The following TRIM14 variants were observed in gnomAD, a reference collection of about 807,000 sequenced individuals.
TRIM14 encodes the protein tripartite motif-containing protein 14.
Under a neutral mutation model 44.5 loss-of-function variants are expected in TRIM14, and 28 were observed. That is an observed-to-expected ratio of 0.63 (90% CI 0.47 to 0.86). TRIM14 has a LOEUF of 0.86. Among genes scored for constraint, TRIM14 ranks in the 40% least tolerant of loss-of-function variants. TRIM14 has a pLI of 0.00. For missense variants in TRIM14, 607 were observed against 611.1 expected, an observed-to-expected ratio of 0.99 and a Z score of 0.07; for synonymous variants, 299 against 269.2, an observed-to-expected ratio of 1.11 and a Z score of -1.08.
chr9:98,080,933 T>TTGGAC, downstream of TRIM14: 1 of 1,614,140 alleles, frequency 6.2e-7, no homozygotes, highest in Non-Finnish European at 8.5e-7. Flanking sequence ...TCACATAACT[T>TTGGAC]TGGACAAGAC....
chr9:98,048,800 T>C, the TRIM14 span, among the ~76,000 whole-genome samples: 5 of 151,846 alleles, frequency 3.3e-5, no homozygotes, highest in African/African-American at 1.2e-4. Context: ...GAGGCAGGTG[T>C]ATCACAAGGT....
At chr9:98,068,650 T>TAA (rs55679709), downstream of TRIM14, among the ~76,000 whole-genome samples, 2,505 of 127,654 alleles carry the variant, frequency 0.02, 88 homozygotes, top group African/African-American at 0.068. Flanking sequence ...CCCCATCTAT[T>TAA]AAAAAAAAAA....
chr9:98,044,679 GCT>G, the TRIM14 span, among the ~76,000 whole-genome samples: 1 of 151,970 alleles, frequency 6.6e-6, no homozygotes, highest in Non-Finnish European at 1.5e-5. Flanking sequence ...GCTGCAAAAT[GCT>G]CTTTCTCTTG....
intron 1 of TRIM14, 31 bp from the exon 2 acceptor site, chr9:98,110,015 T>C: frequency 1.3e-6 from 2 of 1,548,582 alleles, no homozygotes; most frequent in Non-Finnish European, 1.8e-6. Context: ...AAAAAAGTCG[T>C]AATACTGTCA....
Position 98,087,656 on chromosome 9 carries a change from G to C in TRIM14, c.1143C>G (p.Arg381=). The C allele has an allele frequency of 1.2e-6, 2 of 1,604,062 alleles. No individual in the cohort carries two copies. Among genetic ancestry groups the C allele is most frequent in the African/African-American group, 2.7e-5 (2 of 74,982 alleles). ...GGTCGAGGTCGTCGCGGGGCCGCAG[G>C]CGGCTGCGCTGGCCGTCGTGGAAGG... is the stretch of plus-strand genomic sequence containing the variant. ...YWAFHDGQRS[R]LRPRDDLDRL... Residue 381 remains arginine, a synonymous_variant, in exon 6 of 6, where the codon CGC becomes CGG. Coordinates refer to ENST00000341469, the MANE Select transcript of TRIM14 (RefSeq NM_014788.4).
the TRIM14 span, among the ~76,000 whole-genome samples, chr9:98,041,274 T>C: frequency 1.3e-5 from 2 of 152,134 alleles, no homozygotes; most frequent in African/African-American, 4.8e-5. Flanking sequence ...AAAAAAAACT[T>C]AAGAACAACT....
chr9:98,054,628 T>C, the TRIM14 span, among the ~76,000 whole-genome samples: 2 of 152,166 alleles, frequency 1.3e-5, no homozygotes, highest in Non-Finnish European at 2.9e-5. Context: ...GCCATGGAGC[T>C]CTAGTTATGA....
At chr9:98,058,231 G>A in the TRIM14 span, among the ~76,000 whole-genome samples, 26 of 152,082 alleles carry the variant, frequency 1.7e-4, no homozygotes, top group African/African-American at 6.3e-4. Context: ...CTGTTCCTTC[G>A]GGACTGGTTT....
chr9:98,067,908 G>A (rs1829197306), downstream of TRIM14, among the ~76,000 whole-genome samples: 1 of 152,020 alleles, frequency 6.6e-6, no homozygotes, highest in East Asian at 1.9e-4. Flanking sequence ...TTTTTGTAGA[G>A]ACAAGATCTC....
chr9:98,073,674 C>T (rs190008924), intron 6 of TRIM14, among the ~76,000 whole-genome samples: 19 of 152,054 alleles, frequency 1.2e-4, no homozygotes, highest in Admixed American at 9.8e-4. Flanking sequence ...CCACTCCTCT[C>T]TTTCCTTACC....
At chr9:98,055,729 AAATT>A in the TRIM14 span, among the ~76,000 whole-genome samples, 5 of 151,998 alleles carry the variant, frequency 3.3e-5, no homozygotes, top group Admixed American at 6.6e-5. Context: ...CTTATTTTTT[AAATT>A]AATTAATTAA....
chr9:98,057,182 C>T, the TRIM14 span, among the ~76,000 whole-genome samples: 1 of 152,258 alleles, frequency 6.6e-6, no homozygotes, highest in Admixed American at 6.5e-5. Flanking sequence ...GTTCTGGTGC[C>T]AGAATAATCT....
At chr9:98,040,481 C>T in the TRIM14 span, among the ~76,000 whole-genome samples, 3 of 151,596 alleles carry the variant, frequency 2.0e-5, no homozygotes, top group Non-Finnish European at 4.4e-5. Context: ...GCAGCTGCAC[C>T]TGCTGTCTCC....
At chr9:98,040,814 G>A in the TRIM14 span, among the ~76,000 whole-genome samples, 3 of 151,918 alleles carry the variant, frequency 2.0e-5, no homozygotes, top group African/African-American at 4.8e-5. Flanking sequence ...CCGACATCAC[G>A]CCCGGCTAAT....
At chr9:98,050,930 C>T in the TRIM14 span, among the ~76,000 whole-genome samples, 3 of 152,150 alleles carry the variant, frequency 2.0e-5, no homozygotes, top group African/African-American at 7.2e-5. Context: ...GGCACCGCCA[C>T]ACCCAGCTAA....
At chr9:98,118,244 G>A (rs1010189553) in intron 1 of TRIM14, among the ~76,000 whole-genome samples, 4 of 56,422 alleles carry the variant, frequency 7.1e-5, no homozygotes, top group Non-Finnish European at 1.2e-4. Context: ...GCTGGAGCAG[G>A]AGCCCAGAGC....
chr9:98,078,117 A>G (rs1043625579), intron 6 of TRIM14: 12 of 1,590,478 alleles, frequency 7.5e-6, no homozygotes, highest in African/African-American at 1.3e-5. Context: ...TGATGAGACC[A>G]GCAGTTGGGA....
chr9:98,116,624 C>G (rs1827061689), intron 1 of TRIM14, among the ~76,000 whole-genome samples: 1 of 151,668 alleles, frequency 6.6e-6, no homozygotes, highest in Non-Finnish European at 1.5e-5. Context: ...ATCACTTGAG[C>G]CCAGGAATTC....
At chr9:98,109,582 G>T (rs1016772575) in intron 2 of TRIM14, among the ~76,000 whole-genome samples, 2 of 152,162 alleles carry the variant, frequency 1.3e-5, no homozygotes, top group Non-Finnish European at 2.9e-5. Context: ...AAGGCAATTT[G>T]GGATAATGGG....
Sources: gnomAD v4.1 joint callset for allele counts (sites outside exome capture counted in the v4.1 genomes callset) on GRCh38, gnomAD v4.1.1 for gene constraint, MANE v1.5 for transcripts, NCBI Gene and HGNC (gene_info 2026-07-23, HGNC 2026-07-21) for gene names.